KCNMA1: variants seen among roughly 807,000 people sequenced by gnomAD.
The protein encoded by KCNMA1 is potassium calcium-activated channel subfamily M alpha 1.
KCNMA1 carries 29 observed loss-of-function variants against 140.0 expected under a neutral mutation model. The ratio of observed to expected loss-of-function variants is 0.21; its 90% CI spans 0.15 to 0.28. The LOEUF (loss-of-function observed/expected upper bound fraction) is 0.28. Ranked by LOEUF, KCNMA1 falls within the 10% of genes least tolerant of loss-of-function variation. The probability of loss-of-function intolerance (pLI) is 1.00; values close to 1 mark genes in which losing one functional copy is unlikely to be tolerated. For missense variants in KCNMA1, 880 were observed against 1,602.2 expected (o/e 0.55, Z 7.70); for synonymous variants, 612 against 611.9 (o/e 1.00, Z 0.00).
intron 1 of KCNMA1, among the ~76,000 whole-genome samples, chr10:77,422,599 C>T (rs2154486904): frequency 6.6e-6 from 1 of 152,282 alleles, no homozygotes. Context: ...AATAGTAATC[C>T]CCAGTTCCTG....
At chr10:77,062,009 G>A (rs892449806) in intron 14 of KCNMA1, among the ~76,000 whole-genome samples, 3 of 152,094 alleles carry the variant, frequency 2.0e-5, no homozygotes, top group African/African-American at 7.2e-5. Context: ...GTGACAGGAG[G>A]GTGTGACTGT....
At chr10:77,361,637 T>C (rs1256161685) in intron 2 of KCNMA1, among the ~76,000 whole-genome samples, 2 of 152,244 alleles carry the variant, frequency 1.3e-5, no homozygotes, top group Non-Finnish European at 2.9e-5. Flanking sequence ...GCCGAGTCAC[T>C]GCAAGGAGCA....
chr10:77,093,302 T>G (rs1157381896), intron 9 of KCNMA1, among the ~76,000 whole-genome samples: 1 of 152,206 alleles, frequency 6.6e-6, no homozygotes, highest in Non-Finnish European at 1.5e-5. Flanking sequence ...AGATTGCCTT[T>G]TTGCCCAAGG....
chr10:77,344,202 G>T (rs1294020368), intron 2 of KCNMA1, among the ~76,000 whole-genome samples: 1 of 152,236 alleles, frequency 6.6e-6, no homozygotes, highest in Non-Finnish European at 1.5e-5. Flanking sequence ...GCCCACAAGG[G>T]ACACTAATGG....
At chr10:77,072,250 C>T (rs890100647) in intron 14 of KCNMA1, among the ~76,000 whole-genome samples, 1 of 152,180 alleles carries the variant, frequency 6.6e-6, no homozygotes, top group African/African-American at 2.4e-5. Flanking sequence ...AAGCTAGACC[C>T]GTTTTACACA....
At chr10:77,228,122 G>A (rs777859014) in intron 3 of KCNMA1, among the ~76,000 whole-genome samples, 33 of 151,782 alleles carry the variant, frequency 2.2e-4, no homozygotes, top group Admixed American at 3.9e-4. Flanking sequence ...GTGCCACCAC[G>A]CCTGGCTAAT....
chr10:76,941,572 A>G (rs1048658334), intron 23 of KCNMA1, among the ~76,000 whole-genome samples: 1 of 152,176 alleles, frequency 6.6e-6, no homozygotes, highest in South Asian at 2.1e-4. Context: ...GCAGACAGAC[A>G]GACAAGAAAA....
At chr10:77,068,687 T>C (rs1272897) in intron 14 of KCNMA1, among the ~76,000 whole-genome samples, 93,136 of 146,682 alleles carry the variant, frequency 0.63, 29,410 homozygotes, top group Admixed American at 0.67. Flanking sequence ...GAGCATACTG[T>C]GTTCCAGGTT....
chr10:76,940,157 A>T (rs962071212), intron 23 of KCNMA1, among the ~76,000 whole-genome samples: 8 of 152,232 alleles, frequency 5.3e-5, no homozygotes, highest in Non-Finnish European at 8.8e-5. Context: ...CAACTGTCAC[A>T]TCGGATATAC....
At chr10:76,922,741 C>T (rs550606919) in intron 23 of KCNMA1, among the ~76,000 whole-genome samples, 5 of 152,278 alleles carry the variant, frequency 3.3e-5, no homozygotes, top group African/African-American at 7.2e-5. Context: ...CACAAATGTG[C>T]CTAAAACCAG....
intron 1 of KCNMA1, among the ~76,000 whole-genome samples, chr10:77,429,976 T>C (rs939140265): frequency 1.3e-5 from 2 of 152,116 alleles, no homozygotes; most frequent in Non-Finnish European, 2.9e-5. Context: ...ACAAATGATT[T>C]AGATTAATCC....
At position 76,944,091 on chromosome 10, in the gene KCNMA1, G is replaced by C. The variant is rs149778448; in HGVS notation, c.2902+682C>G. Among the ~76,000 whole-genome samples, 292 of 152,272 alleles carry C rather than the reference G, an allele frequency of 1.9e-3. 3 individuals are homozygous for C. Among genetic ancestry groups the C allele is most frequent in the Non-Finnish European group, 3.2e-3 (216 of 68,022 alleles). On this transcript the variant is annotated intron_variant, in intron 23 of 27. Transcript: ENST00000286628. ...ATCCTGCCAGATCCTGATTACAGAG[G>C]TCATTTTTTATGAAGGTTTTGCTGT...
chr10:76,931,365 A>G (rs2059231647), intron 23 of KCNMA1, among the ~76,000 whole-genome samples: 1 of 152,140 alleles, frequency 6.6e-6, no homozygotes, highest in Non-Finnish European at 1.5e-5. Context: ...AAATTTGTAT[A>G]TAAATATTTA....
chr10:77,360,492 A>G (rs1472652374), intron 2 of KCNMA1, among the ~76,000 whole-genome samples: 2 of 152,182 alleles, frequency 1.3e-5, no homozygotes, highest in African/African-American at 4.8e-5. Context: ...AGAAGAAGAA[A>G]GAGTTGAGTC....
intron 3 of KCNMA1, among the ~76,000 whole-genome samples, chr10:77,192,401 G>A (rs1458026548): frequency 2.0e-5 from 3 of 151,994 alleles, no homozygotes; most frequent in Non-Finnish European, 4.4e-5. Flanking sequence ...TCTTATCCAC[G>A]ATAGACCTAG....
chr10:76,897,024 AC>A (rs1362246400), intron 25 of KCNMA1, among the ~76,000 whole-genome samples: 4 of 151,532 alleles, frequency 2.6e-5, no homozygotes, highest in African/African-American at 9.7e-5. Context: ...ACACACACAC[AC>A]ACACACACAC....
At chr10:76,984,118 T>A (rs959368118) in intron 19 of KCNMA1, among the ~76,000 whole-genome samples, 8 of 152,196 alleles carry the variant, frequency 5.3e-5, no homozygotes, top group Admixed American at 2.6e-4. Flanking sequence ...TTTGTCAAAA[T>A]GTAGTTCTGG....
intron 2 of KCNMA1, among the ~76,000 whole-genome samples, chr10:77,361,130 T>C (rs2093913710): frequency 6.6e-6 from 1 of 152,220 alleles, no homozygotes; most frequent in Admixed American, 6.5e-5. Flanking sequence ...AGGACTATAA[T>C]GCTTGTCTTG....
chr10:77,032,145 C>T (rs1252405334), intron 15 of KCNMA1, among the ~76,000 whole-genome samples: 1 of 152,202 alleles, frequency 6.6e-6, no homozygotes, highest in Non-Finnish European at 1.5e-5. Flanking sequence ...TAAGATACAA[C>T]AATTTGTCCT....
Sources: gnomAD v4.1 joint callset for allele counts (sites outside exome capture counted in the v4.1 genomes callset) on GRCh38, gnomAD v4.1.1 for gene constraint, MANE v1.5 for transcripts, NCBI Gene and HGNC (gene_info 2026-07-23, HGNC 2026-07-21) for gene names.